KCNMA1: variants seen among roughly 807,000 people sequenced by gnomAD.
KCNMA1 encodes the protein Calcium-activated potassium channel subunit alpha-1.
A neutral mutation model predicts 140.0 loss-of-function variants in KCNMA1; 29 were observed. That is an observed-to-expected ratio of 0.21 (90% CI 0.15 to 0.28). KCNMA1 has a LOEUF of 0.28. KCNMA1 is among the 10% of genes least tolerant of loss of function. The pLI is 1.00. For synonymous variants in KCNMA1, 612 were observed against 611.9 expected, an observed-to-expected ratio of 1.00 and a Z score of 0.00; for missense variants, 880 against 1,602.2, an observed-to-expected ratio of 0.55 and a Z score of 7.70.
At chr10:77,516,674 G>A (rs1166382573) in intron 1 of KCNMA1, among the ~76,000 whole-genome samples, 2 of 152,266 alleles carry the variant, frequency 1.3e-5, no homozygotes, top group Non-Finnish European at 1.5e-5. Context: ...TCCTTTGCAC[G>A]GTGGGCAGAG....
chr10:77,492,821 G>A (rs1052659431), intron 1 of KCNMA1, among the ~76,000 whole-genome samples: 2 of 152,214 alleles, frequency 1.3e-5, no homozygotes, highest in East Asian at 3.8e-4. Flanking sequence ...GAGTGGAGAG[G>A]AGAGGCCAGA....
intron 19 of KCNMA1, among the ~76,000 whole-genome samples, chr10:76,987,955 G>A (rs1297355395): frequency 1.3e-5 from 2 of 152,198 alleles, no homozygotes; most frequent in Non-Finnish European, 2.9e-5. Flanking sequence ...TTGGTGGCAA[G>A]AGGAACTAAT....
chr10:77,606,982 A>T (rs1004371267), intron 1 of KCNMA1, among the ~76,000 whole-genome samples: 1 of 152,164 alleles, frequency 6.6e-6, no homozygotes, highest in Non-Finnish European at 1.5e-5. Context: ...GCCTCCAATA[A>T]GCCCTGGGGC....
chr10:77,048,189 T>TA (rs1385450329), intron 14 of KCNMA1, among the ~76,000 whole-genome samples: 2 of 152,034 alleles, frequency 1.3e-5, no homozygotes. Context: ...CCAAAATTTT[T>TA]ATCATAGATT....
At chr10:77,144,997 C>A (rs530156032) in intron 5 of KCNMA1, among the ~76,000 whole-genome samples, 1 of 152,308 alleles carries the variant, frequency 6.6e-6, no homozygotes, top group African/African-American at 2.4e-5. Flanking sequence ...TCAGCAAATT[C>A]TCCTCCAAAA....
chr10:77,370,679 A>G (rs1410295350), intron 2 of KCNMA1, among the ~76,000 whole-genome samples: 1 of 152,206 alleles, frequency 6.6e-6, no homozygotes, highest in Non-Finnish European at 1.5e-5. Context: ...TCTGTGGTAG[A>G]TGACCTATCC....
chr10:76,877,221 C>T (rs2032558732), downstream of KCNMA1: 1 of 153,506 alleles, frequency 6.5e-6, no homozygotes, highest in South Asian at 2.1e-4. Flanking sequence ...CAGGTATTCA[C>T]CTGTCCCCTT....
chr10:77,327,112 C>T (rs1342105757), intron 2 of KCNMA1, among the ~76,000 whole-genome samples: 3 of 151,978 alleles, frequency 2.0e-5, no homozygotes, highest in Non-Finnish European at 2.9e-5. Context: ...TTGGCATTCC[C>T]CCTCCTAGCA....
intron 9 of KCNMA1, among the ~76,000 whole-genome samples, chr10:77,103,376 C>T (rs979810464): frequency 2.6e-5 from 4 of 152,148 alleles, no homozygotes; most frequent in Non-Finnish European, 4.4e-5. Context: ...CAGAATGCAC[C>T]CTGCAGAACT....
rs2065356454 is a variant in KCNMA1 at position 76,949,348 on chromosome 10, T to C, written c.2503A>G (p.Met835Val). ...ACGACATGGCCACTCAGGACGGTCA[T>C]GGCAGCTTCACTTCGAGTCTACAAC... The part of the protein sequence containing the change: ...KVILTRSEAA[M>V]TVLSGHVVVC... The change falls in exon 22 of 28, where the codon ATG becomes GTG. Residue 835 changes from methionine (M) to valine (V), a missense_variant. By Grantham distance (21) the Met-to-Val change is conservative. Coordinates refer to ENST00000286628, the MANE Select transcript of KCNMA1 (RefSeq NM_001161352.2). 1.2e-6 allele frequency: 2 copies of C among 1,614,012 alleles called. No individual in the cohort carries two copies. The highest frequency in any genetic ancestry group is 1.7e-6 in the Non-Finnish European group (2 of 1,179,966).
intron 1 of KCNMA1, among the ~76,000 whole-genome samples, chr10:77,542,280 C>A (rs926908124): frequency 2.0e-5 from 3 of 152,118 alleles, no homozygotes; most frequent in African/African-American, 7.2e-5. Flanking sequence ...CCAAATGGAC[C>A]AAGACAAAAG....
At chr10:77,182,688 T>C (rs2098812680) in intron 5 of KCNMA1, among the ~76,000 whole-genome samples, 1 of 152,186 alleles carries the variant, frequency 6.6e-6, no homozygotes, top group Non-Finnish European at 1.5e-5. Flanking sequence ...CGGCCTGCCT[T>C]CTTCCCTAGT....
chr10:77,106,850 G>A (rs1036036910), intron 9 of KCNMA1, among the ~76,000 whole-genome samples: 8 of 152,296 alleles, frequency 5.3e-5, no homozygotes, highest in Admixed American at 4.6e-4. Flanking sequence ...GAACAGCTTG[G>A]TTCTAACCTC....
intron 3 of KCNMA1, among the ~76,000 whole-genome samples, chr10:77,195,433 C>A (rs1395665913): frequency 6.6e-6 from 1 of 152,088 alleles, no homozygotes; most frequent in African/African-American, 2.4e-5. Context: ...AAACTGTCAT[C>A]ATTAATAGGG....
At chr10:77,150,292 T>G (rs2098395149) in intron 5 of KCNMA1, among the ~76,000 whole-genome samples, 1 of 152,216 alleles carries the variant, frequency 6.6e-6, no homozygotes, top group Non-Finnish European at 1.5e-5. Flanking sequence ...CAGCCCTGTC[T>G]TCCTTCTTCT....
intron 1 of KCNMA1, among the ~76,000 whole-genome samples, chr10:77,613,724 G>A (rs1270024407): frequency 4.6e-5 from 7 of 152,202 alleles, no homozygotes; most frequent in East Asian, 3.8e-4. Context: ...GCTGCAGTTC[G>A]GTTCAGCACA....
intron 1 of KCNMA1, among the ~76,000 whole-genome samples, chr10:77,475,810 A>G (rs2098265868): frequency 6.6e-6 from 1 of 152,246 alleles, no homozygotes. Context: ...GCCCTTGGCA[A>G]TCACAGATCT....
chr10:77,535,265 C>G (rs2058640658), intron 1 of KCNMA1, among the ~76,000 whole-genome samples: 1 of 152,194 alleles, frequency 6.6e-6, no homozygotes. Flanking sequence ...TGTTCATCTA[C>G]CCCACATATC....
At chr10:77,203,448 C>T (rs1436836604) in intron 3 of KCNMA1, among the ~76,000 whole-genome samples, 1 of 152,158 alleles carries the variant, frequency 6.6e-6, no homozygotes, top group Non-Finnish European at 1.5e-5. Context: ...GATCCTCCTC[C>T]CACCCAGAGG....
Sources: gnomAD v4.1 joint callset for allele counts (sites outside exome capture counted in the v4.1 genomes callset) on GRCh38, gnomAD v4.1.1 for gene constraint, MANE v1.5 for transcripts, NCBI Gene and HGNC (gene_info 2026-07-23, HGNC 2026-07-21) for gene names.